CEP112: variants seen among roughly 807,000 people sequenced by gnomAD.
CEP112 encodes centrosomal protein of 112 kDa.
Under a neutral mutation model 153.0 loss-of-function variants are expected in CEP112, and 127 were observed. That is an observed-to-expected ratio of 0.83 (90% confidence interval 0.72 to 0.96). The LOEUF is 0.96. CEP112 is among the 40% of genes least tolerant of loss of function. The pLI is 0.00. For synonymous variants in CEP112, 358 were observed against 374.4 expected (o/e 0.96, Z 0.51); for missense variants, 1,089 against 1,101.2 (o/e 0.99, Z 0.16).
At chr17:66,116,526 T>G (rs2069302833) in intron 6 of CEP112, among the ~76,000 whole-genome samples, 1 of 152,212 alleles carries the variant, frequency 6.6e-6, no homozygotes, top group Non-Finnish European at 1.5e-5. Context: ...CATGATTTAT[T>G]TTAGTCTGCA....
intron 25 of CEP112, among the ~76,000 whole-genome samples, chr17:65,637,458 C>A (rs151035043): frequency 2.0e-5 from 3 of 152,242 alleles, no homozygotes; most frequent in Admixed American, 6.5e-5. Context: ...CCTGTCCTCA[C>A]GCCCTGCCCA....
At chr17:65,826,437 A>G in intron 21 of CEP112, 1 of 1,548,438 alleles carries the variant, frequency 6.5e-7, no homozygotes, top group Non-Finnish European at 8.6e-7. Flanking sequence ...TTGGGCCCAG[A>G]GGGTTAGAGT....
intron 21 of CEP112, chr17:65,751,038 G>A: frequency 4.1e-6 from 1 of 241,342 alleles, no homozygotes; most frequent in Non-Finnish European, 7.9e-6. Context: ...AAGGGAAAGA[G>A]AGAAGAAACA....
chr17:65,946,294 T>G (rs2061647044), intron 18 of CEP112, among the ~76,000 whole-genome samples: 1 of 152,236 alleles, frequency 6.6e-6, no homozygotes, highest in African/African-American at 2.4e-5. Context: ...GTTTGAAAAT[T>G]TAATCGTTTT....
intron 17 of CEP112, among the ~76,000 whole-genome samples, chr17:65,971,456 T>A (rs751712138): frequency 1.1e-5 from 1 of 87,188 alleles, no homozygotes; most frequent in Non-Finnish European, 2.4e-5. Context: ...CATGCATGCA[T>A]ATCACACACA....
intron 20 of CEP112, among the ~76,000 whole-genome samples, chr17:65,892,809 C>T (rs957672963): frequency 6.6e-6 from 1 of 152,150 alleles, no homozygotes; most frequent in Non-Finnish European, 1.5e-5. Context: ...CTGGAGCTAT[C>T]ATTTTAGCCA....
intron 11 of CEP112, 65 bp downstream of exon 11, chr17:66,062,898 T>C: frequency 1.3e-6 from 1 of 772,466 alleles, no homozygotes; most frequent in Non-Finnish European, 2.0e-6. Context: ...ATTACTTTTA[T>C]AATTAAATAT....
intron 4 of CEP112, among the ~76,000 whole-genome samples, chr17:66,138,965 T>C (rs1212941645): frequency 6.6e-6 from 1 of 151,748 alleles, no homozygotes; most frequent in Non-Finnish European, 1.5e-5. Flanking sequence ...CCAAAATGTG[T>C]AGGATTCAGT....
intron 11 of CEP112, among the ~76,000 whole-genome samples, chr17:66,056,079 G>A (rs933396962): frequency 6.6e-6 from 1 of 152,132 alleles, no homozygotes; most frequent in African/African-American, 2.4e-5. Flanking sequence ...AAATCTTGCT[G>A]GAGTTTATGA....
chr17:65,840,578 G>T (rs762940070), intron 21 of CEP112, among the ~76,000 whole-genome samples: 1 of 151,912 alleles, frequency 6.6e-6, no homozygotes, highest in Non-Finnish European at 1.5e-5. Flanking sequence ...TCTAGGCAAA[G>T]ATTTTTTTTG....
At chr17:65,756,569 G>A (rs2052296266) in intron 21 of CEP112, among the ~76,000 whole-genome samples, 1 of 152,072 alleles carries the variant, frequency 6.6e-6, no homozygotes, top group Non-Finnish European at 1.5e-5. Flanking sequence ...CAACATGGAG[G>A]TCACTGGTGA....
At chr17:66,067,454 T>C (rs2067165494) in intron 9 of CEP112, among the ~76,000 whole-genome samples, 3 of 152,222 alleles carry the variant, frequency 2.0e-5, no homozygotes, top group Non-Finnish European at 2.9e-5. Context: ...ATTTTTCTTA[T>C]ACTTACGATA....
chr17:65,737,491 G>A (rs2145089410), intron 23 of CEP112, among the ~76,000 whole-genome samples: 1 of 152,320 alleles, frequency 6.6e-6, no homozygotes, highest in Non-Finnish European at 1.5e-5. Flanking sequence ...AAATATCAGG[G>A]CTGGCTACCT....
Position 66,161,270 on chromosome 17 carries a change from T to C in CEP112, c.470+13774A>G, listed in dbSNP as rs543832981. Among the ~76,000 whole-genome samples, 6 of 152,162 alleles carry C rather than the reference T, an allele frequency of 3.9e-5. No individual in the cohort carries two copies. In the East Asian group the frequency reaches 1.2e-3, roughly 29 times the overall value. On this transcript the variant is annotated intron_variant, in intron 4 of 26. Coordinates refer to ENST00000535342, the MANE Select transcript of CEP112 (RefSeq NM_001199165.4). Reference sequence around the variant, plus strand: ...TTAGTTCAACCATTGCAGAAGACAGTGTGGAAATTCCTCAAGGATCTAGAA... The same window carrying C: ...TTAGTTCAACCATTGCAGAAGACAGCGTGGAAATTCCTCAAGGATCTAGAA...
At chr17:65,815,942 T>A (rs2145951208) in intron 21 of CEP112, among the ~76,000 whole-genome samples, 1 of 152,216 alleles carries the variant, frequency 6.6e-6, no homozygotes, top group South Asian at 2.1e-4. Flanking sequence ...ACAGTTTTAC[T>A]TCTTCCTTTC....
At chr17:65,744,971 T>C (rs1357390211) in intron 22 of CEP112, among the ~76,000 whole-genome samples, 1 of 152,224 alleles carries the variant, frequency 6.6e-6, no homozygotes, top group Non-Finnish European at 1.5e-5. Context: ...TTATCTTTCT[T>C]GAAGCTCAGT....
At chr17:65,843,432 C>T (rs2191967) in intron 21 of CEP112, among the ~76,000 whole-genome samples, 112,403 of 151,988 alleles carry the variant, frequency 0.74, 41,816 homozygotes, top group East Asian at 0.86. Flanking sequence ...TAAAACTTCA[C>T]GTTTTTTAGC....
chr17:66,189,823 G>T (rs1476702426), intron 1 of CEP112, among the ~76,000 whole-genome samples: 1 of 152,128 alleles, frequency 6.6e-6, no homozygotes, highest in African/African-American at 2.4e-5. Context: ...TTGATCCCAG[G>T]AGTTCAAGAC....
intron 12 of CEP112, among the ~76,000 whole-genome samples, chr17:66,048,139 T>C (rs1161512212): frequency 1.3e-5 from 2 of 152,268 alleles, no homozygotes; most frequent in South Asian, 4.1e-4. Flanking sequence ...TATGTGTGGT[T>C]GGTTGAATCA....
Sources: gnomAD v4.1 joint callset for allele counts (sites outside exome capture counted in the v4.1 genomes callset) on GRCh38, gnomAD v4.1.1 for gene constraint, MANE v1.5 for transcripts, NCBI Gene and HGNC (gene_info 2026-07-23, HGNC 2026-07-21) for gene names.